Variants in BBS9 observed in about 807,000 individuals in gnomAD.
BBS9 encodes the protein protein PTHB1.
Under a neutral mutation model 117.7 loss-of-function variants are expected in BBS9, and 89 were observed. The ratio of observed to expected loss-of-function variants is 0.76; its 90% CI spans 0.64 to 0.90. BBS9 has a LOEUF of 0.90. BBS9 is among the 40% of genes least tolerant of loss of function. The pLI is 0.00. For missense variants in BBS9, 982 were observed against 1,042.2 expected (o/e 0.94, Z 0.80); for synonymous variants, 379 against 370.9 (o/e 1.02, Z -0.25).
At chr7:33,371,139 G>A (rs1822786363) in intron 17 of BBS9, among the ~76,000 whole-genome samples, 1 of 152,060 alleles carries the variant, frequency 6.6e-6, no homozygotes, top group Non-Finnish European at 1.5e-5. Flanking sequence ...CTGATGCTGA[G>A]TCAAAGATGA....
chr7:33,481,504 G>A (rs1175278927), intron 19 of BBS9, among the ~76,000 whole-genome samples: 2 of 152,136 alleles, frequency 1.3e-5, no homozygotes, highest in Non-Finnish European at 2.9e-5. Flanking sequence ...ATATAATGTT[G>A]CATGAACAAA....
chr7:33,161,922 T>C (rs908934169), intron 4 of BBS9, among the ~76,000 whole-genome samples: 3 of 152,244 alleles, frequency 2.0e-5, no homozygotes, highest in Admixed American at 1.3e-4. Flanking sequence ...ATGTCTTCTT[T>C]TGAGAAGTGT....
intron 19 of BBS9, among the ~76,000 whole-genome samples, chr7:33,399,925 C>T (rs756351154): frequency 1.1e-4 from 16 of 152,046 alleles, no homozygotes; most frequent in Admixed American, 3.9e-4. Flanking sequence ...GACCTATTAT[C>T]GTATGAAAAC....
intron 20 of BBS9, among the ~76,000 whole-genome samples, chr7:33,521,934 C>T (rs1435795700): frequency 7.6e-6 from 1 of 130,944 alleles, no homozygotes; most frequent in East Asian, 2.3e-4. Context: ...GTGTGATATT[C>T]CCCTTCCTGT....
chr7:33,262,605 G>A (rs1219858886), intron 6 of BBS9, among the ~76,000 whole-genome samples: 1 of 152,192 alleles, frequency 6.6e-6, no homozygotes, highest in Non-Finnish European at 1.5e-5. Flanking sequence ...GAGATTGGCT[G>A]CAGCTGACCG....
At position 33,146,357 on chromosome 7, in the gene BBS9, T is replaced by C. The variant is rs577536627; in HGVS notation, c.105T>C (p.Asn35=). The C allele has an allele frequency of 5.6e-6, 9 of 1,612,570 alleles. No individual in the cohort carries two copies. The highest frequency in any genetic ancestry group is 3.3e-4 in the Middle Eastern group (2 of 6,058). Residue 35 remains asparagine (N), a synonymous_variant, in exon 2 of 23, where the codon AAT becomes AAC. Coordinates refer to ENST00000242067, the MANE Select transcript of BBS9 (RefSeq NM_198428.3). ...LCLANVDNSG[N]GQDKIIVGSF... ...TGGCTAATGTTGACAATAGTGGAAATGGACAAGGTAAGCAACTTACAACCA... is the reference window on the plus strand; with the variant it reads ...TGGCTAATGTTGACAATAGTGGAAACGGACAAGGTAAGCAACTTACAACCA...
At chr7:33,545,111 A>T (rs764871008) in intron 21 of BBS9, among the ~76,000 whole-genome samples, 2 of 151,976 alleles carry the variant, frequency 1.3e-5, no homozygotes, top group Admixed American at 1.3e-4. Flanking sequence ...TTTGCCTGAG[A>T]CTATCCACTT....
At chr7:33,426,765 A>G (rs1189835389) in intron 19 of BBS9, among the ~76,000 whole-genome samples, 5 of 152,118 alleles carry the variant, frequency 3.3e-5, no homozygotes, top group African/African-American at 4.8e-5. Context: ...AGAGGATTGG[A>G]GAACATTCCA....
intron 9 of BBS9, among the ~76,000 whole-genome samples, chr7:33,323,922 C>G (rs1812270581): frequency 1.4e-5 from 2 of 147,340 alleles, no homozygotes; most frequent in Admixed American, 1.4e-4. Context: ...ACTGCAACCT[C>G]TGCCTCACGG....
At chr7:33,345,686 A>G (rs929479876) in intron 12 of BBS9, among the ~76,000 whole-genome samples, 2 of 152,226 alleles carry the variant, frequency 1.3e-5, no homozygotes, top group Non-Finnish European at 2.9e-5. Context: ...CTGGAAAGGC[A>G]TTAGTGGCAA....
chr7:33,427,598 T>A (rs1309565754), intron 19 of BBS9, among the ~76,000 whole-genome samples: 2 of 152,198 alleles, frequency 1.3e-5, no homozygotes, highest in Admixed American at 1.3e-4. Context: ...AAATACCAAA[T>A]GGTGCTGGAT....
At chr7:33,483,697 C>T (rs923075820) in intron 19 of BBS9, among the ~76,000 whole-genome samples, 3 of 151,646 alleles carry the variant, frequency 2.0e-5, no homozygotes, top group Admixed American at 1.3e-4. Flanking sequence ...GTGGCGTGAT[C>T]ATGCCTCACT....
intron 19 of BBS9, among the ~76,000 whole-genome samples, chr7:33,482,457 A>G (rs1842625754): frequency 6.6e-6 from 1 of 152,150 alleles, no homozygotes; most frequent in Non-Finnish European, 1.5e-5. Context: ...AACTGGTAAC[A>G]TAGGGGAGAT....
rs141706463 is a variant in BBS9 at position 33,615,805 on chromosome 7, C to A, written c.2522-19372C>A. Among the ~76,000 whole-genome samples, 341 of 152,044 alleles carry A rather than the reference C, an allele frequency of 2.2e-3. 2 individuals are homozygous for A. Among genetic ancestry groups the A allele is most frequent in the African/African-American group, 7.8e-3 (322 of 41,522 alleles). On this transcript the variant is annotated intron_variant, in intron 21 of 21. Transcript: ENST00000671952. Reference sequence around the variant, plus strand: ...CAGAAAATCAAAGATAAAGGAAATTCTTGAAAGAAGCTAGAGGGGAAAAAC... The same window carrying A: ...CAGAAAATCAAAGATAAAGGAAATTATTGAAAGAAGCTAGAGGGGAAAAAC...
chr7:33,260,702 G>T (rs974713963), intron 6 of BBS9, among the ~76,000 whole-genome samples: 1 of 152,212 alleles, frequency 6.6e-6, no homozygotes, highest in South Asian at 2.1e-4. Flanking sequence ...ATTCAAGGAG[G>T]CAGGAAGTCA....
intron 19 of BBS9, among the ~76,000 whole-genome samples, chr7:33,422,017 C>A (rs34711685): frequency 0.18 from 26,831 of 151,550 alleles, 2,567 homozygotes; most frequent in South Asian, 0.21. Context: ...TAGTATATAG[C>A]CTTCCAGATT....
intron 21 of BBS9, among the ~76,000 whole-genome samples, chr7:33,586,433 A>C (rs2598389): frequency 0.48 from 73,181 of 151,810 alleles, 21,496 homozygotes; most frequent in African/African-American, 0.81. Context: ...GGGAATGCTT[A>C]TATACTGTAG....
chr7:33,425,696 T>C (rs1833562527), intron 19 of BBS9, among the ~76,000 whole-genome samples: 1 of 152,242 alleles, frequency 6.6e-6, no homozygotes, highest in African/African-American at 2.4e-5. Context: ...TGAGAGGAGT[T>C]GGAAGAAGTG....
intron 1 of BBS9, among the ~76,000 whole-genome samples, chr7:33,136,392 T>G (rs1032112757): frequency 4.6e-5 from 7 of 152,218 alleles, no homozygotes; most frequent in African/African-American, 7.2e-5. Context: ...TCCAGTATGA[T>G]TTTGAATAGA....
Sources: gnomAD v4.1 joint callset for allele counts (sites outside exome capture counted in the v4.1 genomes callset) on GRCh38, gnomAD v4.1.1 for gene constraint, MANE v1.5 for transcripts, NCBI Gene and HGNC (gene_info 2026-07-23, HGNC 2026-07-21) for gene names.